RTN4: variants seen among roughly 807,000 people sequenced by gnomAD.
RTN4 encodes reticulon 4, also known as reticulon-4.
Under a neutral mutation model 90.4 loss-of-function variants are expected in RTN4, and 32 were observed. That is an observed-to-expected ratio of 0.35 (90% CI 0.27 to 0.48). The LOEUF (loss-of-function observed/expected upper bound fraction) is 0.48. Ranked by LOEUF, RTN4 falls within the 20% of genes least tolerant of loss-of-function variation. RTN4 has a pLI of 0.99. For synonymous variants in RTN4, 629 were observed against 552.5 expected, an observed-to-expected ratio of 1.14 and a Z score of -1.94; for missense variants, 1,706 against 1,430.2, an observed-to-expected ratio of 1.19 and a Z score of -3.11.
Position 55,066,103 on chromosome 2 carries a change from G to C in RTN4, c.-63+14386C>G, listed in dbSNP as rs569862792. Among the ~76,000 whole-genome samples, 542 of 152,008 alleles carry C rather than the reference G, an allele frequency of 3.6e-3. 1 individual carries two copies. The Middle Eastern group carries it at 0.041, about 11-fold the overall frequency. Reference sequence around the variant, plus strand: ...AGAATAGAACTACATGAATTGGAAGGAATGATATCCCAAAATATCAAGTGA... The same window carrying C: ...AGAATAGAACTACATGAATTGGAAGCAATGATATCCCAAAATATCAAGTGA... On this transcript the variant is annotated intron_variant, in intron 2 of 3. Transcript: ENST00000427710.
At chr2:55,112,592 G>C (rs949519869) in exon 1 of RTN4, 1 of 152,294 alleles carries the variant, frequency 6.6e-6, no homozygotes, top group Non-Finnish European at 1.5e-5. Flanking sequence ...GGCTGCCTCA[G>C]CTGTGTCTGC....
At chr2:55,109,509 C>T (rs963561050) in intron 1 of RTN4, among the ~76,000 whole-genome samples, 1 of 152,088 alleles carries the variant, frequency 6.6e-6, no homozygotes, top group Non-Finnish European at 1.5e-5. Context: ...AAGGGTAACT[C>T]AGCTTTGACA....
At chr2:55,118,009 G>C in the RTN4 span, among the ~76,000 whole-genome samples, 1 of 152,156 alleles carries the variant, frequency 6.6e-6, no homozygotes, top group African/African-American at 2.4e-5. Context: ...AATAACAAAG[G>C]TTGGTTTGTT....
At position 55,026,483 on chromosome 2, in the gene RTN4, G is replaced by C. The variant is rs761330700; in HGVS notation, c.1616C>G (p.Thr539Ser). Reference protein sequence around the residue: ...YVTTDNLTKVTEEVVANMPEG... With the variant: ...YVTTDNLTKVSEEVVANMPEG... ...AGGCATGTTTGCCACGACTTCCTCA[G>C]TCACCTTTGTTAAATTATCTGTTGT... Residue 539 changes from threonine to serine, a missense_variant, in exon 3 of 9, where the codon ACT becomes AGT. Physicochemically the swap from Thr to Ser is moderately conservative, Grantham distance 58. Transcript: ENST00000337526. 2 of 1,613,760 alleles carry C rather than the reference G, an allele frequency of 1.2e-6. No individual in the cohort carries two copies. The highest frequency in any genetic ancestry group is 2.7e-5 in the African/African-American group (2 of 74,904).
At chr2:55,089,267 A>G (rs1282417493) in intron 1 of RTN4, among the ~76,000 whole-genome samples, 1 of 152,148 alleles carries the variant, frequency 6.6e-6, no homozygotes, top group Non-Finnish European at 1.5e-5. Context: ...AAAGGGCTGA[A>G]CCCTAGCATG....
intron 3 of RTN4, among the ~76,000 whole-genome samples, chr2:54,997,911 T>C (rs780585675): frequency 5.4e-4 from 82 of 152,294 alleles, no homozygotes; most frequent in Middle Eastern, 3.4e-3. Context: ...TAGTTATGTA[T>C]AGATAGGAAT....
At chr2:55,010,121 CTCT>C (rs1680524549) in intron 3 of RTN4, 9 of 1,613,612 alleles carry the variant, frequency 5.6e-6, no homozygotes, top group Non-Finnish European at 7.6e-6. Flanking sequence ...GACCGTCCAT[CTCT>C]TGTCACGATC....
chr2:55,049,191 A>C, intron 1 of RTN4: 3 of 986,396 alleles, frequency 3.0e-6, no homozygotes, highest in Non-Finnish European at 3.6e-6. Flanking sequence ...CCACGAGCAC[A>C]GGAGGAGGGG....
intron 1 of RTN4, among the ~76,000 whole-genome samples, chr2:55,087,703 T>G (rs1668869178): frequency 6.6e-6 from 1 of 152,104 alleles, no homozygotes; most frequent in African/African-American, 2.4e-5. Context: ...CAAGTGCAAC[T>G]GCTGAGTCAT....
At chr2:54,994,312 T>C (rs982402614) in intron 3 of RTN4, among the ~76,000 whole-genome samples, 4 of 152,166 alleles carry the variant, frequency 2.6e-5, no homozygotes, top group African/African-American at 9.7e-5. Context: ...CTTATGAATA[T>C]AGATGCAATA....
the RTN4 span, among the ~76,000 whole-genome samples, chr2:55,131,603 G>T: frequency 6.6e-6 from 1 of 152,158 alleles, no homozygotes; most frequent in East Asian, 1.9e-4. Flanking sequence ...GAAAACATTG[G>T]CAGGGCACGG....
chr2:55,043,404 C>T (rs1473797581), intron 1 of RTN4, among the ~76,000 whole-genome samples: 5 of 152,054 alleles, frequency 3.3e-5, no homozygotes, highest in African/African-American at 1.2e-4. Context: ...AAAAAGGAAC[C>T]ATTAAATTGA....
intron 2 of RTN4, among the ~76,000 whole-genome samples, chr2:55,073,421 G>A (rs77615381): frequency 0.014 from 2,090 of 152,270 alleles, 24 homozygotes; most frequent in Middle Eastern, 0.058. Flanking sequence ...TAGAAGAAAC[G>A]GTAGCAGTAA....
At chr2:55,086,825 A>AT (rs146093058) in intron 1 of RTN4, among the ~76,000 whole-genome samples, 17,485 of 140,402 alleles carry the variant, frequency 0.12, 2,085 homozygotes, top group African/African-American at 0.28. Flanking sequence ...TTCAACTTTA[A>AT]TTTATTTTTT....
rs760996053 is a variant in RTN4, at chr2:55,025,202, C to T, written c.2897G>A (p.Ser966Asn). Residue 966 changes from serine to asparagine, a missense_variant, in exon 3 of 9, where the codon AGC becomes AAC. Ser to Asn is a conservative substitution (Grantham distance 46). Coordinates refer to ENST00000337526, the MANE Select transcript of RTN4 (RefSeq NM_020532.5). ...CACAAGAACTTTGGGTTTAACTATG[C>T]TCTCTATCTCTGCTTGAGTGGCCAA... ...SALATQAEIESIVKPKVLVKE... is the reference protein window; with the variant it reads ...SALATQAEIENIVKPKVLVKE... The T allele has an allele frequency of 6.2e-7, 1 of 1,613,810 alleles. No individual in the cohort carries two copies.
upstream of RTN4, among the ~76,000 whole-genome samples, chr2:55,054,539 C>A (rs997198430): frequency 6.6e-6 from 1 of 152,062 alleles, no homozygotes; most frequent in African/African-American, 2.4e-5. Flanking sequence ...ATTTGTAGAA[C>A]AAGTTAATTG....
At position 55,025,327 on chromosome 2, in the gene RTN4, T is replaced by C; in HGVS notation, c.2772A>G (p.Ile924Met). ...TGATTTTCTCTTCAACTTTGGGTTG[T>C]ATGTTCTTCAAAGAAAGGTCATGGG... is the stretch of plus-strand genomic sequence containing the variant. Reference protein sequence around the residue: ...ELPHDLSLKNIQPKVEEKISF... With the variant: ...ELPHDLSLKNMQPKVEEKISF... The change falls in exon 3 of 9, where the codon ATA becomes ATG. Residue 924 changes from isoleucine (I) to methionine (M), a missense_variant. Physicochemically the swap from Ile to Met is conservative, Grantham distance 10. Transcript: ENST00000337526. 3 of 1,613,970 alleles carry C rather than the reference T, an allele frequency of 1.9e-6. No individual in the cohort carries two copies. The highest frequency in any genetic ancestry group is 1.1e-5 in the South Asian group (1 of 91,088).
At chr2:55,115,034 ACTT>A (rs1668100320), upstream of RTN4, among the ~76,000 whole-genome samples, 1 of 152,082 alleles carries the variant, frequency 6.6e-6, no homozygotes, top group South Asian at 2.1e-4. Context: ...GAATATAAAA[ACTT>A]CTCCCTTCAG....
Position 55,026,258 on chromosome 2 carries a change from A to G in RTN4, c.1841T>C (p.Ile614Thr), listed in dbSNP as rs767259024. 6.2e-7 allele frequency: 1 copy of G among 1,613,922 alleles called. No individual in the cohort carries two copies. Among genetic ancestry groups the G allele is most frequent in the Non-Finnish European group, 8.5e-7 (1 of 1,179,902 alleles). The change falls in exon 3 of 9, where the codon ATT (isoleucine) becomes ACT (threonine). Residue 614 changes from isoleucine to threonine, a missense_variant. Transcript: ENST00000337526. ...EATPSPVLPD[I>T]VMEAPLNSAV... ...AGAATTCAATGGTGCTTCCATAACA[A>G]TGTCAGGCAAAACTGGTGAAGGAGT...
Sources: allele counts gnomAD v4.1 joint callset (sites outside exome capture counted in the v4.1 genomes callset), GRCh38; gene constraint gnomAD v4.1.1; transcripts MANE v1.5; gene names NCBI Gene and HGNC (gene_info 2026-07-23, HGNC 2026-07-21).